The following UBXN4 variants were observed in gnomAD, a reference collection of about 807,000 sequenced individuals.
UBXN4 encodes the protein UBX domain protein 4.
In UBXN4, 35 loss-of-function variants were observed where a neutral mutation model predicts 66.2. That is an observed-to-expected ratio of 0.53 (90% CI 0.40 to 0.70). The LOEUF is 0.70. Among genes scored for constraint, UBXN4 ranks in the 30% least tolerant of loss-of-function variants. The pLI is 0.00. For missense variants in UBXN4, 533 were observed against 599.8 expected (o/e 0.89, Z 1.16); for synonymous variants, 203 against 204.5 (o/e 0.99, Z 0.06).
intron 6 of UBXN4, among the ~76,000 whole-genome samples, chr2:135,769,066 G>A (rs756975198): frequency 6.6e-5 from 10 of 151,998 alleles, no homozygotes; most frequent in Non-Finnish European, 1.2e-4. Context: ...GCAGTAACGC[G>A]AACGTGACTC....
chr2:135,776,354 A>G lies in UBXN4; in HGVS notation c.1053+3A>G. 1 of 1,608,236 alleles carries G rather than the reference A, an allele frequency of 6.2e-7. No individual in the cohort carries two copies. Among genetic ancestry groups the G allele is most frequent in the Non-Finnish European group, 8.5e-7 (1 of 1,176,666 alleles). On this transcript the variant is annotated splice_donor_region_variant and intron_variant, in intron 10 of 12. Transcript: ENST00000272638. Reference sequence around the variant, plus strand: ...AGGCAAGGCAGTTTGCTGCACAGGTAAATTTATGTCTTGAGTTGTAGTAAA... The same window carrying G: ...AGGCAAGGCAGTTTGCTGCACAGGTGAATTTATGTCTTGAGTTGTAGTAAA...
intron 7 of UBXN4, 88 bp from the exon 8 acceptor site, chr2:135,770,480 ATTC>A: frequency 1.2e-6 from 1 of 858,640 alleles, no homozygotes; most frequent in Non-Finnish European, 1.7e-6. Context: ...ATGAAGTTTT[ATTC>A]TTTTAACTGC....
At chr2:135,781,558 A>G (rs963161654) in intron 12 of UBXN4, among the ~76,000 whole-genome samples, 12 of 152,138 alleles carry the variant, frequency 7.9e-5, no homozygotes, top group African/African-American at 2.9e-4. Context: ...TATGGATTCC[A>G]TAGGTAATGA....
At chr2:135,768,472 C>T (rs1163874753) in intron 6 of UBXN4, among the ~76,000 whole-genome samples, 2 of 151,858 alleles carry the variant, frequency 1.3e-5, no homozygotes, top group African/African-American at 4.8e-5. Context: ...GGTGGGATTA[C>T]AGGCATGAGC....
chr2:135,774,743 G>T (rs1454409316), intron 9 of UBXN4, among the ~76,000 whole-genome samples: 1 of 152,056 alleles, frequency 6.6e-6, no homozygotes, highest in Non-Finnish European at 1.5e-5. Context: ...TACTCAGGAG[G>T]CTGAAGCATG....
At chr2:135,781,885 C>A (rs1055774078) in intron 12 of UBXN4, among the ~76,000 whole-genome samples, 1 of 152,124 alleles carries the variant, frequency 6.6e-6, no homozygotes, top group Non-Finnish European at 1.5e-5. Flanking sequence ...CCAGCCTGGG[C>A]AACATAGTGA....
rs776141822 is a variant in UBXN4, at chr2:135,755,623, C to G, written c.440C>G (p.Ser147Cys). 5.6e-6 allele frequency: 9 copies of G among 1,609,038 alleles called. No individual in the cohort carries two copies. The South Asian group carries it at 6.6e-5, about 12-fold the overall frequency. Reference protein sequence around the residue: ...SFEPNNTCENSQSRNAELCEI... With the variant: ...SFEPNNTCENCQSRNAELCEI... Reference sequence around the variant, plus strand: ...GAACCTAACAACACTTGTGAAAACTCTCAGTCCAGAAATGCAGAGCTTTGT... The same window carrying G: ...GAACCTAACAACACTTGTGAAAACTGTCAGTCCAGAAATGCAGAGCTTTGT... The change falls in exon 5 of 13, where the codon TCT (serine) becomes TGT (cysteine). Residue 147 changes from serine (S) to cysteine (C), a missense_variant. This residue lies in a region of UBXN4 where 529 missense variants were observed against 580.1 expected (regional missense o/e 0.91). Transcript: ENST00000272638.
chr2:135,774,681 C>T (rs1047499093), intron 9 of UBXN4, among the ~76,000 whole-genome samples: 2 of 151,960 alleles, frequency 1.3e-5, no homozygotes, highest in African/African-American at 4.8e-5. Flanking sequence ...ACCGTCCCTA[C>T]TAAAAATACA....
At chr2:135,755,447 T>C in intron 4 of UBXN4, 70 bp from the exon 5 acceptor site, 2 of 1,233,586 alleles carry the variant, frequency 1.6e-6, no homozygotes, top group Non-Finnish European at 2.1e-6. Context: ...AACCTGTATT[T>C]TGGTCTCTAC....
intron 1 of UBXN4, 37 bp downstream of exon 1, chr2:135,742,048 C>G (rs1397270982): frequency 6.2e-7 from 1 of 1,602,748 alleles, no homozygotes. Context: ...GGCCGGGACA[C>G]CCCTCCGGCC....
intron 1 of UBXN4, among the ~76,000 whole-genome samples, chr2:135,745,818 C>G (rs1272775176): frequency 2.0e-5 from 3 of 149,492 alleles, no homozygotes; most frequent in African/African-American, 7.4e-5. Flanking sequence ...TAGGAGTCTG[C>G]TAATGGAGCA....
chr2:135,759,324 T>TA (rs59632335), intron 5 of UBXN4, among the ~76,000 whole-genome samples: 4,266 of 152,318 alleles, frequency 0.028, 215 homozygotes, highest in African/African-American at 0.098. Context: ...CCAGAAAGCT[T>TA]AATAGTAATC....
chr2:135,751,149 G>A (rs962753574), intron 2 of UBXN4, among the ~76,000 whole-genome samples: 3 of 148,004 alleles, frequency 2.0e-5, no homozygotes, highest in Non-Finnish European at 4.5e-5. Flanking sequence ...CACTGTGCCC[G>A]GCCGTGTCTG....
At chr2:135,743,424 A>G (rs1386211213) in intron 1 of UBXN4, among the ~76,000 whole-genome samples, 1 of 152,240 alleles carries the variant, frequency 6.6e-6, no homozygotes, top group Non-Finnish European at 1.5e-5. Context: ...TTGACATTTT[A>G]AATTGTTTTT....
At chr2:135,752,052 C>CT (rs1490127378) in intron 2 of UBXN4, among the ~76,000 whole-genome samples, 1 of 9,440 alleles carries the variant, frequency 1.1e-4, no homozygotes, top group Non-Finnish European at 1.1e-3. Context: ...ATACCTTTTT[C>CT]TTTTCTTTTT....
At chr2:135,765,167 G>A (rs2077339375) in intron 6 of UBXN4, among the ~76,000 whole-genome samples, 3 of 151,738 alleles carry the variant, frequency 2.0e-5, no homozygotes, top group Non-Finnish European at 4.4e-5. Context: ...ATCTTTTAGC[G>A]AATCTTTAGT....
chr2:135,753,425 A>C lies in UBXN4; in HGVS notation c.186-114A>C, dbSNP rs2077259053. 3.9e-6 allele frequency: 3 copies of C among 775,560 alleles called. No homozygotes were observed. In the African/African-American group the frequency reaches 5.5e-5, roughly 14 times the overall value. The allele number at this position is 775,560 out of a possible 1,614,324, so 48.0% of individuals were successfully genotyped here. A position where few individuals can be genotyped will look rare whatever the true frequency, so the allele number is the denominator to read the frequency against. On this transcript the variant is annotated intron_variant, in intron 2 of 12. Coordinates refer to ENST00000272638, the MANE Select transcript of UBXN4 (RefSeq NM_014607.4). ...CTTCAACCTGATTGCTGTGAAAGAA[A>C]CTGGTAGTTGCAGGAAAATACTTGT...
intron 7 of UBXN4, 106 bp from the exon 8 acceptor site, chr2:135,770,465 A>G (rs2077377201): frequency 1.3e-6 from 1 of 762,660 alleles, no homozygotes; most frequent in Non-Finnish European, 2.0e-6. Flanking sequence ...CTAGACTTAC[A>G]TTTTATGAAG....
chr2:135,754,305 G>A (rs1378183300), intron 4 of UBXN4, 28 bp downstream of exon 4: 5 of 1,547,178 alleles, frequency 3.2e-6, no homozygotes, highest in Admixed American at 1.8e-5. Context: ...TGTTGTTTCC[G>A]TAAATGGTAC....
Sources: gnomAD v4.1 joint callset for allele counts (sites outside exome capture counted in the v4.1 genomes callset) on GRCh38, gnomAD v4.1.1 for gene constraint, gnomAD v4.1.1 regional missense constraint, MANE v1.5 for transcripts, NCBI Gene and HGNC (gene_info 2026-07-23, HGNC 2026-07-21) for gene names.